RNF7: variants seen among roughly 807,000 people sequenced by gnomAD.
The protein encoded by RNF7 is ring finger protein 7.
Under a neutral mutation model 17.0 loss-of-function variants are expected in RNF7, and 9 were observed. That is an observed-to-expected ratio of 0.53 (90% CI 0.32 to 0.92). The LOEUF (loss-of-function observed/expected upper bound fraction) is 0.92, where lower values mean the gene tolerates loss of function less well. RNF7 is among the 40% of genes least tolerant of loss of function. The pLI is 0.04. For missense variants in RNF7, 87 were observed against 145.8 expected (o/e 0.60, Z 2.08); for synonymous variants, 59 against 50.5 (o/e 1.17, Z -0.72).
At chr3:141,739,878 A>C (rs1374328712) in intron 1 of RNF7, among the ~76,000 whole-genome samples, 1 of 151,968 alleles carries the variant, frequency 6.6e-6, no homozygotes, top group African/African-American at 2.4e-5. Flanking sequence ...TAAAAATTAA[A>C]ATAAAAAGCT....
At chr3:141,742,311 C>A (rs112619890) in intron 1 of RNF7, among the ~76,000 whole-genome samples, 1,562 of 149,320 alleles carry the variant, frequency 0.01, 33 homozygotes, top group African/African-American at 0.037. Flanking sequence ...ACTGCAAGCT[C>A]TGCCTCCTGG....
At chr3:141,743,382 T>G in intron 1 of RNF7, 127 bp from the exon 2 acceptor site, 7 of 629,262 alleles carry the variant, frequency 1.1e-5, no homozygotes, top group Non-Finnish European at 1.9e-5. Flanking sequence ...TATGTTCAGA[T>G]GAGAAATTAA....
rs1160860669 is a variant in RNF7, at chr3:141,742,832, AG to A, written c.176-675del. 3.4e-6 allele frequency: 4 copies of A among 1,172,626 alleles called. No homozygotes were observed. In the African/African-American group the frequency reaches 6.6e-5, roughly 19 times the overall value. 72.6% of individuals were successfully genotyped at this position (1,172,626 alleles called of 1,614,324 possible). A position where few individuals can be genotyped will look rare whatever the true frequency, so the allele number is the denominator to read the frequency against. On this transcript the variant is annotated intron_variant, in intron 1 of 2. Transcript: ENST00000273480. ...AAGCATACAAAGCAGTTTATTTTAG[AG>A]GAACTCTCAAGTGTCTTAGGGTAGA...
At chr3:141,742,858 A>G in intron 1 of RNF7, 1 of 1,109,232 alleles carries the variant, frequency 9.0e-7, no homozygotes, top group Non-Finnish European at 1.1e-6. Flanking sequence ...CTTAGGGTAG[A>G]AAGTAAAAAG....
At chr3:141,744,271 G>A (rs577824881) in intron 2 of RNF7, among the ~76,000 whole-genome samples, 23 of 152,156 alleles carry the variant, frequency 1.5e-4, no homozygotes, top group African/African-American at 5.5e-4. Context: ...CTCCTGAAAC[G>A]CTTAGAATGT....
At chr3:141,744,515 G>A (rs2084452942) in intron 2 of RNF7, among the ~76,000 whole-genome samples, 1 of 152,036 alleles carries the variant, frequency 6.6e-6, no homozygotes, top group Admixed American at 6.6e-5. Flanking sequence ...CATGCTGCTT[G>A]TTTAAAAAGT....
chr3:141,742,889 A>C lies in RNF7; in HGVS notation c.176-620A>C, dbSNP rs539529683. ...AAAAGTTGCTTCTTATGAGTTGCTA[A>C]AGGAAGGCTTCTGTGTCAGTAAGTA... On this transcript the variant is annotated intron_variant, in intron 1 of 2. Transcript: ENST00000273480. The C allele has an allele frequency of 2.7e-6, 3 of 1,097,456 alleles. No homozygotes were observed. In the South Asian group the frequency reaches 6.5e-5, roughly 24 times the overall value. The allele number at this position is 1,097,456 out of a possible 1,614,324, so 68.0% of individuals were successfully genotyped here.
chr3:141,738,654 CG>C, intron 1 of RNF7, 138 bp downstream of exon 1: 1 of 936,376 alleles, frequency 1.1e-6, no homozygotes, highest in Non-Finnish European at 1.5e-6. Context: ...CCTGCCCCGG[CG>C]CCGGAGGAAC....
chr3:141,741,587 A>C (rs2107855891), intron 1 of RNF7, among the ~76,000 whole-genome samples: 1 of 152,342 alleles, frequency 6.6e-6, no homozygotes, highest in South Asian at 2.1e-4. Context: ...CTGTTGGTTC[A>C]AACTTCCTTT....
At position 141,738,306 on chromosome 3, in the gene RNF7, A is replaced by G; in HGVS notation, c.-36A>G. 2.0e-6 allele frequency: 3 copies of G among 1,497,328 alleles called. No homozygotes were observed. The highest frequency in any genetic ancestry group is 2.7e-6 in the Non-Finnish European group (3 of 1,117,326). The allele number at this position is 1,497,328 out of a possible 1,614,324, so 92.8% of individuals were successfully genotyped here. On this transcript the variant is annotated 5_prime_UTR_variant, in exon 1 of 3. Transcript: ENST00000273480. ...CCGCCCTAGCCTTCCGCCTTCCCCAAGCCAACGTCTCCGCCGTCGGCTCCG... is the reference window on the plus strand; with the variant it reads ...CCGCCCTAGCCTTCCGCCTTCCCCAGGCCAACGTCTCCGCCGTCGGCTCCG...
rs531242209 is a variant in RNF7 at position 141,743,677 on chromosome 3, C to A, written c.223+121C>A. 65 of 659,018 alleles carry A rather than the reference C, an allele frequency of 9.9e-5. 1 individual carries two copies. The South Asian group carries it at 1.5e-3, about 16-fold the overall frequency. The allele number at this position is 659,018 out of a possible 1,614,324, so 40.8% of individuals were successfully genotyped here. A position where few individuals can be genotyped will look rare whatever the true frequency, so the allele number is the denominator to read the frequency against. The stretch of plus-strand genomic sequence containing the variant: ...CAAAAATAAACTGTAAAGCAGTGAT[C>A]CATTGTTAATATAAAATATGTTGGT... On this transcript the variant is annotated intron_variant, in intron 2 of 2. Transcript: ENST00000273480.
In RNF7 at chr3:141,745,269, G is replaced by T; in HGVS notation, c.334G>T (p.Gly112Cys). 2 of 1,609,380 alleles carry T rather than the reference G, an allele frequency of 1.2e-6. No homozygotes were observed. The highest frequency in any genetic ancestry group is 2.2e-5 in the South Asian group (2 of 90,870). Residue 112 changes from glycine to cysteine, a missense_variant, in exon 3 of 3, where the codon GGC becomes TGC. Around this residue, in one of 2 missense-constraint regions of RNF7, gnomAD observed 36 missense variants for 104.7 expected, o/e 0.34. Coordinates refer to ENST00000273480, the MANE Select transcript of RNF7 (RefSeq NM_014245.5). ...CQQDWVVQRIGK is the reference protein window; with the variant it reads ...CQQDWVVQRICK Reference sequence around the variant, plus strand: ...GCAGGACTGGGTGGTCCAAAGAATCGGCAAATGAGAGTGGTTAGAAGGCTT... The same window carrying T: ...GCAGGACTGGGTGGTCCAAAGAATCTGCAAATGAGAGTGGTTAGAAGGCTT...
intron 2 of RNF7, among the ~76,000 whole-genome samples, chr3:141,743,816 A>G (rs2084444969): frequency 6.6e-6 from 1 of 152,226 alleles, no homozygotes; most frequent in African/African-American, 2.4e-5. Context: ...ATCAAAAATT[A>G]AATATTTTCT....
At chr3:141,742,676 G>A (rs1218469419) in intron 1 of RNF7, 1 of 1,167,228 alleles carries the variant, frequency 8.6e-7, no homozygotes, top group East Asian at 5.7e-5. Context: ...TTGGTCCGAG[G>A]CCCTGAACCT....
At chr3:141,739,735 G>T (rs1577897630) in intron 1 of RNF7, among the ~76,000 whole-genome samples, 1 of 152,094 alleles carries the variant, frequency 6.6e-6, no homozygotes, top group African/African-American at 2.4e-5. Context: ...ACAACAATTG[G>T]ATTCAGATAT....
chr3:141,742,531 C>T (rs2084431111), intron 1 of RNF7: 1 of 912,048 alleles, frequency 1.1e-6, no homozygotes. Context: ...AAGAAAAAAC[C>T]TTAGTGTTTA....
At chr3:141,743,593 A>C (rs781304348) in intron 2 of RNF7, 37 bp downstream of exon 2, 26 of 1,512,390 alleles carry the variant, frequency 1.7e-5, no homozygotes, top group Non-Finnish European at 2.3e-5. Flanking sequence ...TTTTCAACTG[A>C]AGGTTTTCTC....
At chr3:141,743,154 T>A (rs957937344) in intron 1 of RNF7, 1 of 203,270 alleles carries the variant, frequency 4.9e-6, no homozygotes, top group African/African-American at 2.3e-5. Flanking sequence ...TTAAAGGGTG[T>A]CTTGAAAATA....
intron 1 of RNF7, 149 bp downstream of exon 1, chr3:141,738,665 C>A: frequency 1.2e-6 from 1 of 846,822 alleles, no homozygotes; most frequent in Non-Finnish European, 1.7e-6. Context: ...GCCGGAGGAA[C>A]GCGGAGCCAC....
Sources: allele counts gnomAD v4.1 joint callset (sites outside exome capture counted in the v4.1 genomes callset), GRCh38; gene constraint gnomAD v4.1.1; regional missense constraint gnomAD v4.1.1; transcripts MANE v1.5; gene names NCBI Gene and HGNC (gene_info 2026-07-23, HGNC 2026-07-21).